Variants in MEF2C observed in about 807,000 individuals in gnomAD.
MEF2C encodes the protein myocyte-specific enhancer factor 2C.
Under a neutral mutation model 50.5 loss-of-function variants are expected in MEF2C, and 6 were observed. The ratio of observed to expected loss-of-function variants is 0.12; its 90% CI spans 0.07 to 0.23. The LOEUF (loss-of-function observed/expected upper bound fraction) is 0.23. Among genes scored for constraint, MEF2C ranks in the 10% least tolerant of loss-of-function variants. The pLI, the probability that MEF2C is intolerant of heterozygous loss-of-function variation, is 1.00. For synonymous variants in MEF2C, 183 were observed against 228.0 expected (o/e 0.80, Z 1.78); for missense variants, 276 against 605.0 (o/e 0.46, Z 5.70).
intron 3 of MEF2C, among the ~76,000 whole-genome samples, chr5:88,793,969 T>C (rs1418498618): frequency 6.6e-6 from 1 of 152,238 alleles, no homozygotes; most frequent in East Asian, 1.9e-4. Flanking sequence ...GCAAAGGACA[T>C]GAACTCATCC....
intron 1 of MEF2C, among the ~76,000 whole-genome samples, chr5:88,840,257 C>T (rs1449548830): frequency 6.6e-6 from 1 of 152,200 alleles, no homozygotes; most frequent in Non-Finnish European, 1.5e-5. Flanking sequence ...TACTTTATGT[C>T]CACTCCTCTT....
intron 2 of MEF2C, among the ~76,000 whole-genome samples, chr5:88,817,153 G>C (rs1298220381): frequency 6.6e-6 from 1 of 151,920 alleles, no homozygotes; most frequent in Admixed American, 6.6e-5. Context: ...CAATTATCCA[G>C]TTACTCACAT....
At chr5:88,897,112 T>C (rs1202638108) in intron 1 of MEF2C, among the ~76,000 whole-genome samples, 1 of 152,222 alleles carries the variant, frequency 6.6e-6, no homozygotes, top group Admixed American at 6.5e-5. Flanking sequence ...TTCTAAACAA[T>C]TGATGATGCA....
intron 1 of MEF2C, among the ~76,000 whole-genome samples, chr5:88,869,960 T>C (rs866775713): frequency 6.6e-6 from 1 of 151,526 alleles, no homozygotes; most frequent in Non-Finnish European, 1.5e-5. Flanking sequence ...CAGTACTATA[T>C]ATCAGATCAA....
chr5:88,837,002 CA>C (rs10692741), intron 1 of MEF2C, among the ~76,000 whole-genome samples: 1,655 of 86,932 alleles, frequency 0.019, 10 homozygotes, highest in African/African-American at 0.061. Flanking sequence ...AGCTGTTTCT[CA>C]AAAAAAAAAA....
At chr5:88,751,158 T>A (rs1772532793) in intron 5 of MEF2C, 1 of 958,228 alleles carries the variant, frequency 1.0e-6, no homozygotes, top group Non-Finnish European at 1.2e-6. Context: ...ATACAATTCA[T>A]CATAATGTAT....
chr5:88,881,457 C>T (rs761334543), intron 1 of MEF2C, among the ~76,000 whole-genome samples: 3 of 152,056 alleles, frequency 2.0e-5, no homozygotes, highest in Non-Finnish European at 2.9e-5. Flanking sequence ...ACTGCTTATA[C>T]CATATTGGTA....
chr5:88,772,243 T>C (rs564137142), intron 3 of MEF2C: 1 of 152,366 alleles, frequency 6.6e-6, no homozygotes, highest in South Asian at 2.1e-4. Context: ...GATTGACTTA[T>C]GTCATGACTA....
intron 6 of MEF2C, chr5:88,747,998 G>C: frequency 1.1e-6 from 1 of 949,652 alleles, no homozygotes; most frequent in Non-Finnish European, 1.3e-6. Context: ...ATTTTCAAAA[G>C]ATATATAAAA....
At chr5:88,860,799 A>C (rs528202952) in intron 1 of MEF2C, among the ~76,000 whole-genome samples, 1 of 152,204 alleles carries the variant, frequency 6.6e-6, no homozygotes, top group Admixed American at 6.5e-5. Context: ...CTGACTACAC[A>C]TTGGAGAAAA....
intron 2 of MEF2C, among the ~76,000 whole-genome samples, chr5:88,819,050 A>G (rs891980250): frequency 3.9e-5 from 6 of 151,928 alleles, no homozygotes; most frequent in Non-Finnish European, 7.4e-5. Flanking sequence ...TCCTCACTCT[A>G]GTGATGAGGG....
At chr5:88,729,794 G>A (rs540458408) in intron 8 of MEF2C, among the ~76,000 whole-genome samples, 3 of 152,182 alleles carry the variant, frequency 2.0e-5, no homozygotes, top group East Asian at 3.9e-4. Context: ...GTGGTGCTGT[G>A]ACCACTTTGT....
intron 1 of MEF2C, among the ~76,000 whole-genome samples, chr5:88,848,879 G>A (rs536896908): frequency 3.3e-5 from 5 of 152,196 alleles, no homozygotes; most frequent in South Asian, 2.1e-4. Flanking sequence ...TGAGCCAGGC[G>A]TGGTGGCTAA....
At chr5:88,813,670 T>C (rs1378400600) in intron 2 of MEF2C, among the ~76,000 whole-genome samples, 1 of 152,148 alleles carries the variant, frequency 6.6e-6, no homozygotes, top group Non-Finnish European at 1.5e-5. Context: ...ATCTGATCTA[T>C]GGGTCCCAAA....
At chr5:88,857,344 C>T (rs1823808774) in intron 1 of MEF2C, among the ~76,000 whole-genome samples, 1 of 152,020 alleles carries the variant, frequency 6.6e-6, no homozygotes, top group Non-Finnish European at 1.5e-5. Context: ...ATAGGTGGAA[C>T]TAACTAACAT....
chr5:88,847,175 GGCTTTTGAATACAT>G (rs1411080811), intron 1 of MEF2C, among the ~76,000 whole-genome samples: 1 of 152,056 alleles, frequency 6.6e-6, no homozygotes, highest in Non-Finnish European at 1.5e-5. Flanking sequence ...TAGACATATT[GGCTTTTGAATACAT>G]CTACTGACTA....
intron 1 of MEF2C, among the ~76,000 whole-genome samples, chr5:88,902,030 G>A (rs1196462016): frequency 6.6e-6 from 1 of 151,592 alleles, no homozygotes; most frequent in African/African-American, 2.4e-5. Context: ...TAATGCATGT[G>A]AAAACTTAAC....
At chr5:88,811,200 G>A (rs1441602036) in intron 2 of MEF2C, among the ~76,000 whole-genome samples, 8 of 152,040 alleles carry the variant, frequency 5.3e-5, no homozygotes, top group Non-Finnish European at 1.2e-4. Flanking sequence ...TCTGGCATGA[G>A]GAACCATTGA....
intron 1 of MEF2C, among the ~76,000 whole-genome samples, chr5:88,862,209 C>T (rs1010672679): frequency 6.6e-5 from 10 of 152,162 alleles, no homozygotes; most frequent in African/African-American, 1.4e-4. Flanking sequence ...TATGGTAAGG[C>T]TTCCTACGAA....
Sources: allele counts gnomAD v4.1 joint callset (sites outside exome capture counted in the v4.1 genomes callset), GRCh38; gene constraint gnomAD v4.1.1; transcripts MANE v1.5; gene names NCBI Gene and HGNC (gene_info 2026-07-23, HGNC 2026-07-21).